The following RUVBL1 variants were observed in gnomAD, a reference collection of about 807,000 sequenced individuals.
RUVBL1 encodes ruvB-like 1.
A neutral mutation model predicts 52.4 loss-of-function variants in RUVBL1; 4 were observed. The ratio of observed to expected loss-of-function variants is 0.08; its 90% CI spans 0.04 to 0.17. The LOEUF (loss-of-function observed/expected upper bound fraction) is 0.17, where lower values mean the gene tolerates loss of function less well. RUVBL1 is among the 10% of genes least tolerant of loss of function. RUVBL1 has a pLI of 1.00. For missense variants in RUVBL1, 298 were observed against 572.8 expected, an observed-to-expected ratio of 0.52 and a Z score of 4.90; for synonymous variants, 217 against 214.4, an observed-to-expected ratio of 1.01 and a Z score of -0.10.
At chr3:128,108,207 C>A (rs75683072) in intron 3 of RUVBL1, among the ~76,000 whole-genome samples, 232 of 152,274 alleles carry the variant, frequency 1.5e-3, no homozygotes, top group African/African-American at 5.0e-3. Context: ...TCCTCCCCAC[C>A]CCCTCTCCCA....
intron 9 of RUVBL1, among the ~76,000 whole-genome samples, chr3:128,086,672 C>G (rs1259411026): frequency 6.6e-6 from 1 of 152,206 alleles, no homozygotes; most frequent in Admixed American, 6.5e-5. Context: ...ACTTACAGCT[C>G]CATGACTCAA....
chr3:128,080,410 T>C (rs776578375), downstream of RUVBL1, among the ~76,000 whole-genome samples: 4 of 152,166 alleles, frequency 2.6e-5, no homozygotes, highest in African/African-American at 7.2e-5. Flanking sequence ...GAATTCAGTA[T>C]GGAAAGGCAG....
intron 9 of RUVBL1, chr3:128,066,690 C>T: frequency 2.1e-6 from 1 of 484,212 alleles, no homozygotes; most frequent in Admixed American, 3.7e-5. Flanking sequence ...TCCCAAAGTG[C>T]TGGGATTACA....
intron 1 of RUVBL1, among the ~76,000 whole-genome samples, chr3:128,151,673 GCT>G (rs1285161835): frequency 6.6e-6 from 1 of 152,050 alleles, no homozygotes; most frequent in African/African-American, 2.4e-5. Flanking sequence ...ACAAGGGCCC[GCT>G]CTCATGATCT....
At chr3:128,107,775 C>T (rs11924142) in intron 3 of RUVBL1, among the ~76,000 whole-genome samples, 126,847 of 152,250 alleles carry the variant, frequency 0.83, 53,380 homozygotes, top group African/African-American at 0.9. Context: ...TATCAGAACA[C>T]TGTGGTAAAC....
At chr3:128,133,012 G>T (rs915102106) in intron 1 of RUVBL1, among the ~76,000 whole-genome samples, 23 of 152,150 alleles carry the variant, frequency 1.5e-4, no homozygotes, top group Non-Finnish European at 3.2e-4. Context: ...GGAGCCTACT[G>T]CCCTGAAGGG....
Position 128,073,428 on chromosome 3 carries a change from C to G in RUVBL1, c.940-8208G>C, listed in dbSNP as rs139341172. 2.3e-3 allele frequency among the ~76,000 whole-genome samples: 350 copies of G among 152,338 alleles called. 3 individuals are homozygous for G. The highest frequency in any genetic ancestry group is 8.0e-3 in the African/African-American group (332 of 41,572). On this transcript the variant is annotated intron_variant, in intron 9 of 9. Coordinates refer to the RUVBL1 transcript ENST00000464873. Reference sequence around the variant, plus strand: ...CTGGGATGAGCCTCCCATCTCATTTCTGAGGGGTCTGAGCCCCATGGCCTG... The same window carrying G: ...CTGGGATGAGCCTCCCATCTCATTTGTGAGGGGTCTGAGCCCCATGGCCTG...
At chr3:128,149,745 A>G (rs1177504351) in intron 1 of RUVBL1, among the ~76,000 whole-genome samples, 2 of 152,326 alleles carry the variant, frequency 1.3e-5, no homozygotes, top group Non-Finnish European at 2.9e-5. Context: ...CCCTTGGGCC[A>G]GCCACACAAC....
At chr3:128,136,003 T>C (rs772942413) in intron 1 of RUVBL1, among the ~76,000 whole-genome samples, 170 of 152,316 alleles carry the variant, frequency 1.1e-3, no homozygotes, top group Non-Finnish European at 2.1e-3. Flanking sequence ...AGTTTTCTCT[T>C]TGTTCTTTTT....
chr3:128,123,474 G>A, intron 1 of RUVBL1, 110 bp downstream of exon 1: 1 of 1,259,684 alleles, frequency 7.9e-7, no homozygotes, highest in South Asian at 1.7e-5. Flanking sequence ...AGGAAATAAT[G>A]GCGGGAGACC....
At chr3:128,076,467 T>G (rs774385828), downstream of RUVBL1, among the ~76,000 whole-genome samples, 4 of 152,148 alleles carry the variant, frequency 2.6e-5, no homozygotes, top group Non-Finnish European at 4.4e-5. This position sits in a 1 kb window ranked among gnomAD's most constrained non-coding sequence, Gnocchi z 6.8. Flanking sequence ...CCATGGGACC[T>G]GTGGAAGGGT....
chr3:128,153,701 G>C (rs763092386), exon 1 of RUVBL1: 20 of 1,588,348 alleles, frequency 1.3e-5, no homozygotes, highest in Non-Finnish European at 1.2e-5. Flanking sequence ...GCGCGCCTGC[G>C]GTCGTCTTTG....
intron 1 of RUVBL1, among the ~76,000 whole-genome samples, chr3:128,149,367 TAG>T (rs1376169188): frequency 1.3e-5 from 2 of 152,104 alleles, no homozygotes; most frequent in Non-Finnish European, 2.9e-5. Flanking sequence ...GTACTTTTAG[TAG>T]AGACGGGGTT....
Position 128,101,650 on chromosome 3 carries a change from T to TAAA in RUVBL1, c.514-5_514-3dup. On this transcript the variant is annotated splice_polypyrimidine_tract_variant and splice_region_variant and intron_variant, in intron 4 of 10. Coordinates refer to ENST00000322623, the MANE Select transcript of RUVBL1 (RefSeq NM_003707.3). The stretch of plus-strand genomic sequence containing the variant: ...ACTTTCAAAAATGCTGGGGTCCAGC[T>TAAA]AAAAAAAAAAATGTAAATCAGAAGT... 1 of 1,294,470 alleles carries TAAA rather than the reference T, an allele frequency of 7.7e-7. No homozygotes were observed. Among genetic ancestry groups the TAAA allele is most frequent in the Non-Finnish European group, 1.1e-6 (1 of 944,264 alleles). The allele number at this position is 1,294,470 out of a possible 1,614,324, so 80.2% of individuals were successfully genotyped here.
chr3:128,153,581 G>T, exon 1 of RUVBL1: 1 of 1,560,750 alleles, frequency 6.4e-7, no homozygotes, highest in East Asian at 2.4e-5. Context: ...GCGCTGGCGC[G>T]GGCGCTAAGC....
intron 3 of RUVBL1, among the ~76,000 whole-genome samples, chr3:128,109,618 C>T (rs934305780): frequency 4.0e-5 from 6 of 151,890 alleles, no homozygotes; most frequent in South Asian, 4.2e-4. Flanking sequence ...CCCAGCCTTC[C>T]GAGTAGCTGG....
At chr3:128,090,061 G>A (rs959099113) in intron 8 of RUVBL1, among the ~76,000 whole-genome samples, 2 of 152,072 alleles carry the variant, frequency 1.3e-5, no homozygotes, top group Non-Finnish European at 2.9e-5. Context: ...AGTGGTGATG[G>A]TTTTAGAAAT....
At chr3:128,112,707 C>T (rs1452658266) in intron 3 of RUVBL1, among the ~76,000 whole-genome samples, 181 bp downstream of exon 3, 3 of 152,166 alleles carry the variant, frequency 2.0e-5, no homozygotes, top group African/African-American at 4.8e-5. Flanking sequence ...ATTGCTAACG[C>T]ACTTCAATGA....
At chr3:128,115,873 C>T (rs1248140443) in intron 2 of RUVBL1, among the ~76,000 whole-genome samples, 1 of 152,188 alleles carries the variant, frequency 6.6e-6, no homozygotes, top group Non-Finnish European at 1.5e-5. Context: ...AGCCTGCAAT[C>T]CCAGCACTTT....
Sources: gnomAD v4.1 joint callset for allele counts (sites outside exome capture counted in the v4.1 genomes callset) on GRCh38, gnomAD v4.1.1 for gene constraint, Gnocchi (gnomAD v3.1) non-coding constraint, MANE v1.5 for transcripts, NCBI Gene and HGNC (gene_info 2026-07-23, HGNC 2026-07-21) for gene names.